MPPED1: variants seen among roughly 807,000 people sequenced by gnomAD.
The protein encoded by MPPED1 is metallophosphoesterase domain-containing protein 1.
Under a neutral mutation model 36.2 loss-of-function variants are expected in MPPED1, and 16 were observed. The observed-to-expected ratio is 0.44, with a 90% CI of 0.30 to 0.67. The LOEUF (loss-of-function observed/expected upper bound fraction) is 0.67, where lower values mean the gene tolerates loss of function less well. Ranked by LOEUF, MPPED1 falls within the 30% of genes least tolerant of loss-of-function variation. The probability of loss-of-function intolerance (pLI) is 0.10; values close to 1 mark genes in which losing one functional copy is unlikely to be tolerated. For missense variants in MPPED1, 307 were observed against 453.4 expected (o/e 0.68, Z 2.93); for synonymous variants, 199 against 191.3 (o/e 1.04, Z -0.33).
chr22:43,500,278 C>CGGTGGTGATGGA (rs773765868), intron 5 of MPPED1, among the ~76,000 whole-genome samples: 1 of 19,868 alleles, frequency 5.0e-5, no homozygotes, highest in Non-Finnish European at 7.6e-5. Flanking sequence ...ATGGAGGTGG[C>CGGTGGTGATGGA]GGTGGTGATG....
intron 3 of MPPED1, among the ~76,000 whole-genome samples, chr22:43,445,856 C>G (rs916031202): frequency 6.8e-6 from 1 of 147,126 alleles, no homozygotes; most frequent in Non-Finnish European, 1.5e-5. Flanking sequence ...AGGCATGAGC[C>G]ACTGTGCCTA....
At chr22:43,440,581 G>A (rs1049708116) in intron 3 of MPPED1, among the ~76,000 whole-genome samples, 1 of 152,218 alleles carries the variant, frequency 6.6e-6, no homozygotes, top group Non-Finnish European at 1.5e-5. Context: ...ATGCCTGCAA[G>A]AACTGTCAGT....
chr22:43,432,906 G>A lies in MPPED1; in HGVS notation c.225-2128G>A, dbSNP rs952574682. Among the ~76,000 whole-genome samples the A allele has an allele frequency of 9.0e-5, 5 of 55,530 alleles. 1 individual carries two copies. The highest frequency in any genetic ancestry group is 2.6e-4 in the Non-Finnish European group (5 of 19,000). The allele number at this position is 55,530 out of a possible 152,430, so 36.4% of individuals were successfully genotyped here. A position where few individuals can be genotyped will look rare whatever the true frequency, so the allele number is the denominator to read the frequency against. On this transcript the variant is annotated intron_variant, in intron 2 of 6. Transcript: ENST00000443721. ...AAGAGAAAGGGAGGAGAGAGAGAGG[G>A]AAAGAGAAAGGGAGGAGAGAGAGAG...
intron 1 of MPPED1, among the ~76,000 whole-genome samples, chr22:43,412,811 C>G (rs1032812266): frequency 6.6e-6 from 1 of 152,180 alleles, no homozygotes; most frequent in Non-Finnish European, 1.5e-5. Context: ...ATGGAATGCC[C>G]AAACTAAGGA....
chr22:43,476,144 TAGGCTAA>T (rs1293542787), intron 4 of MPPED1, among the ~76,000 whole-genome samples: 1 of 152,002 alleles, frequency 6.6e-6, no homozygotes, highest in East Asian at 1.9e-4. Context: ...ATCTGGGCCC[TAGGCTAA>T]AGGCTCTATA....
chr22:43,485,059 A>G (rs889022578), intron 4 of MPPED1, among the ~76,000 whole-genome samples: 1 of 151,974 alleles, frequency 6.6e-6, no homozygotes, highest in African/African-American at 2.4e-5. Flanking sequence ...ACACACATTC[A>G]TGTACATGCA....
Position 43,472,672 on chromosome 22 carries a change from T to C in MPPED1, c.407-2064T>C, listed in dbSNP as rs1004116158. 2.0e-4 allele frequency among the ~76,000 whole-genome samples: 30 copies of C among 152,266 alleles called. 1 individual carries two copies. Among genetic ancestry groups the C allele is most frequent in the African/African-American group, 7.0e-4 (29 of 41,540 alleles). On this transcript the variant is annotated intron_variant, in intron 3 of 6. Transcript: ENST00000443721. ...TGAGTCAGCTATGAGTAGATTGGGATTTTCTGCCTGTTCTGAAGAAAACTT... is the reference window on the plus strand; with the variant it reads ...TGAGTCAGCTATGAGTAGATTGGGACTTTCTGCCTGTTCTGAAGAAAACTT...
intron 3 of MPPED1, among the ~76,000 whole-genome samples, chr22:43,455,651 G>C (rs553073950): frequency 1.2e-4 from 19 of 152,244 alleles, no homozygotes; most frequent in African/African-American, 4.3e-4. Flanking sequence ...GAGCATTTTT[G>C]AATCTGTTGC....
At chr22:43,425,249 GC>G (rs771873317) in intron 2 of MPPED1, 40 bp downstream of exon 2, 1 of 1,092,824 alleles carries the variant, frequency 9.2e-7, no homozygotes, top group Non-Finnish European at 1.3e-6. Context: ...GGCGGTGACG[GC>G]CCCCTGGGGT....
At chr22:43,476,478 T>C (rs1931581908) in intron 4 of MPPED1, among the ~76,000 whole-genome samples, 1 of 152,112 alleles carries the variant, frequency 6.6e-6, no homozygotes, top group Non-Finnish European at 1.5e-5. Context: ...CACAAAGGGC[T>C]TGCCTGGGTG....
At chr22:43,500,179 TGGTG>T (rs1932637944) in intron 5 of MPPED1, among the ~76,000 whole-genome samples, 4 of 39,084 alleles carry the variant, frequency 1.0e-4, no homozygotes, top group Admixed American at 5.6e-4. Context: ...ATGGAGGTGG[TGGTG>T]ATGGTGATGG....
In MPPED1 at chr22:43,502,512, G is replaced by C. The variant is rs982026486; in HGVS notation, c.749-132G>C. The C allele has an allele frequency of 1.5e-6, 1 of 672,032 alleles. No individual in the cohort carries two copies. Among genetic ancestry groups the C allele is most frequent in the African/African-American group, 1.8e-5 (1 of 55,732 alleles). 41.6% of individuals were successfully genotyped at this position (672,032 alleles called of 1,614,324 possible). The stretch of plus-strand genomic sequence containing the variant: ...GGCAGGGTTCCGGAGAGCTTGCTAG[G>C]GGAGAGTGGTGCAAAGCCGGAGTCC... On this transcript the variant is annotated intron_variant, in intron 5 of 6. Transcript: ENST00000443721. This position sits in a 1 kb window ranked among gnomAD's most constrained non-coding sequence, Gnocchi z 5.5.
At chr22:43,503,814 C>T (rs1467005318) in intron 6 of MPPED1, among the ~76,000 whole-genome samples, 2 of 152,146 alleles carry the variant, frequency 1.3e-5, no homozygotes, top group African/African-American at 4.8e-5. Context: ...TTGCCTTTGA[C>T]CCAAACCACA....
At chr22:43,454,217 C>G (rs1215874084) in intron 3 of MPPED1, among the ~76,000 whole-genome samples, 1 of 152,130 alleles carries the variant, frequency 6.6e-6, no homozygotes, top group South Asian at 2.1e-4. Context: ...CTGCGTTGGC[C>G]AGGCTGGTCT....
chr22:43,437,284 A>C (rs934051170), intron 3 of MPPED1, among the ~76,000 whole-genome samples: 3 of 152,194 alleles, frequency 2.0e-5, no homozygotes, highest in Non-Finnish European at 2.9e-5. Context: ...TTTTCTATGA[A>C]GCTCAGGTTT....
At chr22:43,440,153 A>G (rs1344349540) in intron 3 of MPPED1, among the ~76,000 whole-genome samples, 1 of 152,260 alleles carries the variant, frequency 6.6e-6, no homozygotes, top group African/African-American at 2.4e-5. Context: ...TCAGCTGGCC[A>G]TGGTGACCCC....
intron 1 of MPPED1, chr22:43,418,194 A>T: frequency 2.2e-6 from 1 of 456,094 alleles, no homozygotes; most frequent in East Asian, 7.0e-5. Flanking sequence ...AAACGAGAGC[A>T]CTTTCGAGAG....
chr22:43,492,114 G>A (rs547775044), intron 4 of MPPED1, among the ~76,000 whole-genome samples: 4 of 152,180 alleles, frequency 2.6e-5, no homozygotes, highest in Non-Finnish European at 5.9e-5. Context: ...CTTGCAATGT[G>A]TTGAATACTT....
chr22:43,502,671 T>C lies in MPPED1; in HGVS notation c.776T>C (p.Met259Thr), dbSNP rs1477864969. ...LGFLDWVPKK[M>T]QRVGCVELLN... is the part of the protein sequence containing the mutation. ...TTCCTGGACTGGGTCCCCAAGAAGA[T>C]GCAGCGGGTGGGCTGTGTGGAGCTG... Residue 259 changes from methionine (M) to threonine (T), a missense_variant, in exon 6 of 7, where the codon ATG (methionine) becomes ACG (threonine). Met to Thr is a moderately conservative substitution (Grantham distance 81). This residue lies in a region of MPPED1 where 132 missense variants were observed against 212.3 expected (regional missense o/e 0.62). Coordinates refer to ENST00000443721, the MANE Select transcript of MPPED1 (RefSeq NM_001044370.2). The surrounding 1 kb of genome is among the most constrained non-coding windows in gnomAD (Gnocchi z 5.5). 1 of 1,613,228 alleles carries C rather than the reference T, an allele frequency of 6.2e-7. No individual in the cohort carries two copies. Among genetic ancestry groups the C allele is most frequent in the Non-Finnish European group, 8.5e-7 (1 of 1,179,826 alleles).
Sources: allele counts gnomAD v4.1 joint callset (sites outside exome capture counted in the v4.1 genomes callset), GRCh38; gene constraint gnomAD v4.1.1; regional missense constraint gnomAD v4.1.1; non-coding constraint Gnocchi (gnomAD v3.1); transcripts MANE v1.5; gene names NCBI Gene and HGNC (gene_info 2026-07-23, HGNC 2026-07-21).